EYS: variants seen among roughly 807,000 people sequenced by gnomAD.
EYS encodes the protein protein eyes shut homolog.
In EYS, 250 loss-of-function variants were observed where a neutral mutation model predicts 282.1. That is an observed-to-expected ratio of 0.89 (90% CI 0.80 to 0.98). EYS has a LOEUF of 0.98. EYS is among the 50% of genes least tolerant of loss of function. The probability of loss-of-function intolerance (pLI) is 0.00; values close to 1 mark genes in which losing one functional copy is unlikely to be tolerated. For synonymous variants in EYS, 1,355 were observed against 1,282.9 expected (o/e 1.06, Z -1.20); for missense variants, 4,016 against 3,709.0 (o/e 1.08, Z -2.15).
At chr6:63,961,745 C>A (rs1766073350) in intron 35 of EYS, among the ~76,000 whole-genome samples, 1 of 152,092 alleles carries the variant, frequency 6.6e-6, no homozygotes, top group African/African-American at 2.4e-5. Flanking sequence ...GCCCTTGTAA[C>A]CTAGTCACCC....
intron 12 of EYS, among the ~76,000 whole-genome samples, chr6:65,066,436 C>A (rs1234667945): frequency 6.6e-6 from 1 of 152,132 alleles, no homozygotes; most frequent in Non-Finnish European, 1.5e-5. Flanking sequence ...TATGGAAACC[C>A]ATTTTCCTAT....
chr6:65,127,405 A>T (rs1174211500), intron 12 of EYS, among the ~76,000 whole-genome samples: 2 of 152,156 alleles, frequency 1.3e-5, no homozygotes, highest in Non-Finnish European at 2.9e-5. Flanking sequence ...TTCAGAAAAG[A>T]AACAACTAGC....
At chr6:65,554,732 G>A (rs976764278) in intron 2 of EYS, among the ~76,000 whole-genome samples, 2 of 152,144 alleles carry the variant, frequency 1.3e-5, no homozygotes, top group Admixed American at 6.6e-5. Context: ...AGATTACTAA[G>A]TGAATGACGG....
At chr6:64,365,318 A>G (rs1772151087) in intron 29 of EYS, among the ~76,000 whole-genome samples, 1 of 152,028 alleles carries the variant, frequency 6.6e-6, no homozygotes, top group South Asian at 2.1e-4. Flanking sequence ...CATGGGTGAC[A>G]TACATCTCTA....
chr6:65,020,651 C>T (rs573150152), intron 13 of EYS, among the ~76,000 whole-genome samples: 18 of 152,340 alleles, frequency 1.2e-4, no homozygotes, highest in African/African-American at 4.3e-4. Context: ...CACAGCTCTA[C>T]TAGGCAGTGC....
At chr6:64,836,704 A>G (rs941960323) in intron 19 of EYS, among the ~76,000 whole-genome samples, 3 of 151,652 alleles carry the variant, frequency 2.0e-5, no homozygotes, top group Non-Finnish European at 4.4e-5. Context: ...TTGGTCTGCA[A>G]TTTGTGAAAA....
intron 40 of EYS, among the ~76,000 whole-genome samples, chr6:63,768,435 CA>C (rs1292641445): frequency 2.6e-5 from 4 of 152,006 alleles, no homozygotes; most frequent in Non-Finnish European, 5.9e-5. Context: ...AGACACTTCT[CA>C]AAAGAAGACA....
intron 2 of EYS, among the ~76,000 whole-genome samples, chr6:65,543,994 A>C (rs1045082953): frequency 3.1e-4 from 32 of 104,772 alleles, no homozygotes; most frequent in African/African-American, 1.1e-3. Flanking sequence ...ATTACTGAAA[A>C]AGAGAAAGTG....
At chr6:65,132,181 AG>A (rs1013473252) in intron 12 of EYS, among the ~76,000 whole-genome samples, 2 of 152,026 alleles carry the variant, frequency 1.3e-5, no homozygotes, top group African/African-American at 4.8e-5. Context: ...CAAAATATTG[AG>A]GAGGAGGGAT....
chr6:64,383,167 G>A (rs1302561765), intron 29 of EYS, among the ~76,000 whole-genome samples: 5 of 152,060 alleles, frequency 3.3e-5, no homozygotes, highest in African/African-American at 1.2e-4. Context: ...AGGGTATGGT[G>A]GTACATGCCT....
intron 2 of EYS, among the ~76,000 whole-genome samples, chr6:65,578,607 TA>T (rs1247255292): frequency 1.3e-5 from 2 of 151,640 alleles, no homozygotes; most frequent in African/African-American, 4.8e-5. Flanking sequence ...TTCTCAGTAT[TA>T]AAAAAAATGA....
Position 64,671,091 on chromosome 6 carries a change from C to A in EYS, c.3444-44846G>T, listed in dbSNP as rs536418171. On this transcript the variant is annotated intron_variant, in intron 22 of 42. Coordinates refer to ENST00000503581, the MANE Select transcript of EYS (RefSeq NM_001142800.2). The stretch of plus-strand genomic sequence containing the variant: ...CTAGAAAAACTTCCTCAAATTTATT[C>A]TACTTTCAAGTTCTAAAACACTGAA... 3.3e-5 allele frequency among the ~76,000 whole-genome samples: 5 copies of A among 152,258 alleles called. No individual in the cohort carries two copies. The South Asian group carries it at 1.0e-3, about 32-fold the overall frequency.
At chr6:63,878,045 G>A (rs185984144) in intron 35 of EYS, among the ~76,000 whole-genome samples, 43 of 152,352 alleles carry the variant, frequency 2.8e-4, no homozygotes, top group Middle Eastern at 6.8e-3. Flanking sequence ...TGGAGGAGAA[G>A]AGGCACTCTG....
chr6:64,655,800 T>G (rs1375992192), intron 22 of EYS, among the ~76,000 whole-genome samples: 1 of 152,102 alleles, frequency 6.6e-6, no homozygotes, highest in East Asian at 1.9e-4. Context: ...ATAATAAATA[T>G]CATATGGTCC....
At chr6:64,450,852 A>C (rs1171908881) in intron 26 of EYS, among the ~76,000 whole-genome samples, 2 of 152,212 alleles carry the variant, frequency 1.3e-5, no homozygotes, top group Admixed American at 6.5e-5. Flanking sequence ...GGACACATTC[A>C]AAGCAGTGTA....
At chr6:63,961,979 G>A (rs917375562) in intron 35 of EYS, among the ~76,000 whole-genome samples, 1 of 152,020 alleles carries the variant, frequency 6.6e-6, no homozygotes, top group African/African-American at 2.4e-5. Flanking sequence ...TCTGATCTTT[G>A]ACAAACCTGA....
At chr6:64,045,897 T>C (rs1770600214) in intron 33 of EYS, among the ~76,000 whole-genome samples, 1 of 131,256 alleles carries the variant, frequency 7.6e-6, no homozygotes, top group Non-Finnish European at 1.6e-5. Context: ...ATGTAATATA[T>C]AATACATATA....
At position 63,900,628 on chromosome 6, in the gene EYS, G is replaced by T. The variant is rs543418014; in HGVS notation, c.7056-36270C>A. 3.9e-5 allele frequency among the ~76,000 whole-genome samples: 6 copies of T among 152,248 alleles called. No individual in the cohort carries two copies. The South Asian group carries it at 1.2e-3, about 32-fold the overall frequency. On this transcript the variant is annotated intron_variant, in intron 35 of 42. Transcript: ENST00000503581. ...AACTTGGTGAGGAGTTAAAAGCAGGGAAAGAGTGAAAAATTATGTAAAGTT... is the reference window on the plus strand; with the variant it reads ...AACTTGGTGAGGAGTTAAAAGCAGGTAAAGAGTGAAAAATTATGTAAAGTT...
chr6:63,852,721 C>G (rs1772291521), intron 36 of EYS, among the ~76,000 whole-genome samples: 1 of 152,058 alleles, frequency 6.6e-6, no homozygotes, highest in South Asian at 2.1e-4. Flanking sequence ...AACATCAATC[C>G]AAAAATCCTT....
Sources: allele counts gnomAD v4.1 joint callset (sites outside exome capture counted in the v4.1 genomes callset), GRCh38; gene constraint gnomAD v4.1.1; transcripts MANE v1.5; gene names NCBI Gene and HGNC (gene_info 2026-07-23, HGNC 2026-07-21).